Variants in MFF observed in about 807,000 individuals in gnomAD.
The protein encoded by MFF is mitochondrial fission factor.
Under a neutral mutation model 36.9 loss-of-function variants are expected in MFF, and 12 were observed. The observed-to-expected ratio is 0.33, with a 90% CI of 0.21 to 0.53. MFF has a LOEUF of 0.53. Among genes scored for constraint, MFF ranks in the 20% least tolerant of loss-of-function variants. The pLI is 0.95. For missense variants in MFF, 348 were observed against 366.6 expected (o/e 0.95, Z 0.42); for synonymous variants, 99 against 126.2 (o/e 0.78, Z 1.44).
chr2:227,356,933 CTATTCAT>C, intron 8 of MFF, 46 bp from the exon 9 acceptor site: 1 of 1,353,726 alleles, frequency 7.4e-7, no homozygotes, highest in South Asian at 1.3e-5. Context: ...TCTGATTGCC[CTATTCAT>C]TAAAGCCTCT....
intron 4 of MFF, among the ~76,000 whole-genome samples, chr2:227,337,439 C>T (rs2075089393): frequency 6.6e-6 from 1 of 152,186 alleles, no homozygotes; most frequent in African/African-American, 2.4e-5. Flanking sequence ...AACACGAAGG[C>T]TCTGAGTAGA....
At chr2:227,329,633 G>A (rs758716811) in intron 2 of MFF, 22 of 759,168 alleles carry the variant, frequency 2.9e-5, no homozygotes, top group Non-Finnish European at 5.2e-5. Flanking sequence ...GTGTTGTTAT[G>A]TACACCTCCA....
intron 4 of MFF, among the ~76,000 whole-genome samples, chr2:227,334,548 G>A (rs1424587710): frequency 2.0e-5 from 3 of 152,144 alleles, no homozygotes; most frequent in South Asian, 2.1e-4. Context: ...ACTCAGAATC[G>A]ATAAAGTGAG....
chr2:227,336,621 T>C (rs540361069), intron 4 of MFF, among the ~76,000 whole-genome samples: 1 of 152,208 alleles, frequency 6.6e-6, no homozygotes, highest in Non-Finnish European at 1.5e-5. Context: ...CTCCACAGGA[T>C]GCCAAATTCT....
intron 6 of MFF, among the ~76,000 whole-genome samples, chr2:227,350,556 A>G (rs2075943823): frequency 6.6e-6 from 1 of 152,180 alleles, no homozygotes; most frequent in Non-Finnish European, 1.5e-5. Flanking sequence ...CTATAAATAT[A>G]CAGCTTGGAA....
At chr2:227,338,823 A>C (rs1349782359) in intron 4 of MFF, among the ~76,000 whole-genome samples, 1 of 149,722 alleles carries the variant, frequency 6.7e-6, no homozygotes, top group Non-Finnish European at 1.5e-5. Flanking sequence ...CGACAGAACA[A>C]GACTCTGTCT....
At chr2:227,342,364 G>A (rs540870236) in intron 5 of MFF, among the ~76,000 whole-genome samples, 1 of 151,934 alleles carries the variant, frequency 6.6e-6, no homozygotes, top group African/African-American at 2.4e-5. Context: ...TTAGAATTTT[G>A]TATAATGAAC....
At chr2:227,343,106 T>A (rs2075498937) in intron 5 of MFF, among the ~76,000 whole-genome samples, 2 of 152,118 alleles carry the variant, frequency 1.3e-5, no homozygotes, top group South Asian at 4.1e-4. Context: ...TTTTTGTTTA[T>A]TTTGCTTTGG....
intron 7 of MFF, among the ~76,000 whole-genome samples, chr2:227,353,464 T>C (rs576825721): frequency 6.6e-5 from 10 of 152,320 alleles, no homozygotes; most frequent in African/African-American, 2.4e-4. Context: ...ATTGAATTCA[T>C]GGTGGAGGAA....
intron 4 of MFF, 152 bp from the exon 5 acceptor site, chr2:227,340,140 T>G (rs1040511404): frequency 1.7e-6 from 1 of 575,964 alleles, no homozygotes; most frequent in Non-Finnish European, 3.1e-6. Flanking sequence ...AGTCTGTCAG[T>G]AATACACTGC....
intron 1 of MFF, among the ~76,000 whole-genome samples, chr2:227,327,423 G>A (rs911016660): frequency 2.6e-4 from 40 of 151,432 alleles, no homozygotes; most frequent in Admixed American, 3.9e-4. Context: ...ACAGTCTAAC[G>A]AGGGAGAAAA....
chr2:227,340,093 T>G (rs1054471028), intron 4 of MFF, among the ~76,000 whole-genome samples, 199 bp from the exon 5 acceptor site: 2 of 151,024 alleles, frequency 1.3e-5, no homozygotes, highest in East Asian at 1.9e-4. Flanking sequence ...GTAAGTAGGG[T>G]GTGTGTGTGT....
Position 227,352,554 on chromosome 2 carries a change from C to A in MFF, c.640C>A (p.Pro214Thr). 1 of 1,613,754 alleles carries A rather than the reference C, an allele frequency of 6.2e-7. No homozygotes were observed. Among genetic ancestry groups the A allele is most frequent in the Middle Eastern group, 1.7e-4 (1 of 6,058 alleles). Reference protein sequence around the residue: ...RGGSAAATSNPHHDNVRYGIS... With the variant: ...RGGSAAATSNTHHDNVRYGIS... ...TGGGTCTGCTGCCGCCACTTCTAATCCTCATCATGACAACGTCAGGTAAAT... is the reference window on the plus strand; with the variant it reads ...TGGGTCTGCTGCCGCCACTTCTAATACTCATCATGACAACGTCAGGTAAAT... Residue 214 changes from proline (P) to threonine (T), a missense_variant, in exon 7 of 9, where the codon CCT (proline) becomes ACT (threonine). Coordinates refer to ENST00000304593, the MANE Select transcript of MFF (RefSeq NM_001277062.2).
At chr2:227,331,811 A>G (rs2074590006) in intron 3 of MFF, among the ~76,000 whole-genome samples, 1 of 152,144 alleles carries the variant, frequency 6.6e-6, no homozygotes, top group African/African-American at 2.4e-5. Flanking sequence ...GTATCTATTC[A>G]AATGTTGTGT....
At chr2:227,340,962 CAGTAGT>C (rs1323021421) in intron 5 of MFF, among the ~76,000 whole-genome samples, 2 of 148,454 alleles carry the variant, frequency 1.3e-5, no homozygotes, top group Admixed American at 1.4e-4. Flanking sequence ...AAGTCATTGT[CAGTAGT>C]GGCTTTTTAA....
intron 7 of MFF, chr2:227,355,304 A>G (rs2076203457): frequency 6.3e-6 from 1 of 159,590 alleles, no homozygotes; most frequent in Non-Finnish European, 1.4e-5. Context: ...TTACATATGG[A>G]CATAAGTTTG....
In MFF at chr2:227,337,624, CT is replaced by C. The variant is rs144716516; in HGVS notation, c.352-2667del. On this transcript the variant is annotated intron_variant, in intron 4 of 8. Transcript: ENST00000304593. ...GTGTCTAGTGCTACATGTTATATAA[CT>C]ATGTAGCACTAGACACTGTGACCCA... Among the ~76,000 whole-genome samples the C allele has an allele frequency of 7.5e-3, 1,142 of 152,310 alleles. 15 individuals are homozygous for C. The highest frequency in any genetic ancestry group is 0.026 in the African/African-American group (1,085 of 41,552).
chr2:227,327,396 A>G (rs1467083731), intron 1 of MFF, among the ~76,000 whole-genome samples: 5 of 152,208 alleles, frequency 3.3e-5, no homozygotes, highest in Admixed American at 2.0e-4. Context: ...TTGCCAAAAG[A>G]TATTATCAGA....
At chr2:227,334,607 A>G (rs1280520445) in intron 4 of MFF, among the ~76,000 whole-genome samples, 1 of 152,168 alleles carries the variant, frequency 6.6e-6, no homozygotes, top group African/African-American at 2.4e-5. Context: ...TGCTAGAATG[A>G]GGTAGAGCAA....
Sources: allele counts gnomAD v4.1 joint callset (sites outside exome capture counted in the v4.1 genomes callset), GRCh38; gene constraint gnomAD v4.1.1; transcripts MANE v1.5; gene names NCBI Gene and HGNC (gene_info 2026-07-23, HGNC 2026-07-21).